NRBP1: variants seen among roughly 807,000 people sequenced by gnomAD.
The protein encoded by NRBP1 is nuclear receptor binding protein 1, also known as nuclear receptor-binding protein.
A neutral mutation model predicts 76.0 loss-of-function variants in NRBP1; 10 were observed. The observed-to-expected ratio is 0.13, with a 90% CI of 0.08 to 0.22. The LOEUF is 0.22. Ranked by LOEUF, NRBP1 falls within the 10% of genes least tolerant of loss-of-function variation. The pLI is 1.00. For missense variants in NRBP1, 344 were observed against 646.0 expected (o/e 0.53, Z 5.07); for synonymous variants, 235 against 240.2 (o/e 0.98, Z 0.20).
At chr2:27,437,130 G>A (rs982612039) in intron 9 of NRBP1, 25 bp downstream of exon 9, 3 of 1,606,132 alleles carry the variant, frequency 1.9e-6, no homozygotes, top group African/African-American at 1.3e-5. Context: ...GGGGAGGGGG[G>A]AAAGGGGTCA....
At position 27,435,202 on chromosome 2, in the gene NRBP1, C is replaced by T; in HGVS notation, c.636C>T (p.His212=). 1 of 1,614,052 alleles carries T rather than the reference C, an allele frequency of 6.2e-7. No individual in the cohort carries two copies. Among genetic ancestry groups the T allele is most frequent in the South Asian group, 1.1e-5 (1 of 91,074 alleles). Reference sequence around the variant, plus strand: ...CCTGTGACACCATCTTCATCCAGCACAACGGACTCATCAAGATTGGCTCTG... The same window carrying T: ...CCTGTGACACCATCTTCATCCAGCATAACGGACTCATCAAGATTGGCTCTG... ...NLTCDTIFIQ[H]NGLIKIGSVA... The change falls in exon 7 of 18, where the codon CAC becomes CAT. Residue 212 remains histidine, a synonymous_variant. Transcript: ENST00000379852.
intron 1 of NRBP1, among the ~76,000 whole-genome samples, chr2:27,432,700 C>A (rs1464827071): frequency 6.6e-6 from 1 of 151,924 alleles, no homozygotes; most frequent in Non-Finnish European, 1.5e-5. Flanking sequence ...ATCAGCCTCT[C>A]GGGTAGCTGG....
chr2:27,429,529 C>CCAG (rs1664020131), intron 1 of NRBP1, among the ~76,000 whole-genome samples: 1 of 151,810 alleles, frequency 6.6e-6, no homozygotes, highest in African/African-American at 2.4e-5. Context: ...CTGGAGGCGG[C>CCAG]GAGAATCCCC....
intron 1 of NRBP1, among the ~76,000 whole-genome samples, chr2:27,430,469 C>CTTTTTTTTTTTTTTTTTTTTTTT (rs977927783): frequency 7.2e-6 from 1 of 138,688 alleles, no homozygotes; most frequent in Non-Finnish European, 1.6e-5. Flanking sequence ...TTCTTTTTTT[C>CTTTTTTTTTTTTTTTTTTTTTTT]TTTTTTTTTT....
At chr2:27,437,844 G>C (rs549056213) in intron 10 of NRBP1, among the ~76,000 whole-genome samples, 16 of 151,050 alleles carry the variant, frequency 1.1e-4, no homozygotes, top group Admixed American at 5.3e-4. Flanking sequence ...CTGCACTCCA[G>C]CCTGGGCGAC....
In NRBP1 at chr2:27,433,492, A is replaced by G. The variant is rs771093806; in HGVS notation, c.210+9A>G. The stretch of plus-strand genomic sequence containing the variant: ...AGAAGAGGCGAGAAGAGGTAAGGTT[A>G]TGGTACAGTTACTCTTGGGTGAGTG... On this transcript the variant is annotated intron_variant, in intron 2 of 17. Coordinates refer to ENST00000379852, the MANE Select transcript of NRBP1 (RefSeq NM_013392.4). The G allele has an allele frequency of 1.5e-5, 25 of 1,613,482 alleles. No individual in the cohort carries two copies. In the South Asian group the frequency reaches 2.3e-4, roughly 15 times the overall value.
chr2:27,435,942 G>A (rs1664290406), intron 7 of NRBP1: 1 of 613,990 alleles, frequency 1.6e-6, no homozygotes, highest in South Asian at 1.9e-5. Flanking sequence ...TGTGGATTCT[G>A]CCTGGCTGGC....
chr2:27,440,603 TA>T, intron 12 of NRBP1, 48 bp from the exon 13 acceptor site: 1 of 1,611,744 alleles, frequency 6.2e-7, no homozygotes, highest in Non-Finnish European at 8.5e-7. Context: ...TTGAATTTGC[TA>T]TTTTGCTTGT....
chr2:27,439,047 G>T (rs1328237979), intron 10 of NRBP1, among the ~76,000 whole-genome samples: 1 of 152,148 alleles, frequency 6.6e-6, no homozygotes, highest in Non-Finnish European at 1.5e-5. Flanking sequence ...AAAGGAAATT[G>T]TGATACTAGG....
upstream of NRBP1, chr2:27,428,613 G>A (rs987159423): frequency 2.5e-5 from 10 of 397,772 alleles, no homozygotes; most frequent in South Asian, 1.3e-4. Context: ...GGCGCCGCGA[G>A]GGCGGGGCCC....
rs1181861483 is a variant in NRBP1, at chr2:27,434,219, C to T, written c.435+129C>T. 9 of 809,322 alleles carry T rather than the reference C, an allele frequency of 1.1e-5. No homozygotes were observed. In the Admixed American group the frequency reaches 1.9e-4, roughly 17 times the overall value. The allele number at this position is 809,322 out of a possible 1,614,324, so 50.1% of individuals were successfully genotyped here. Reference sequence around the variant, plus strand: ...ACAGAACTGGAATCAGCTGCAATGGCGATAAGAGTAGGGCTTCAGTTGTCA... The same window carrying T: ...ACAGAACTGGAATCAGCTGCAATGGTGATAAGAGTAGGGCTTCAGTTGTCA... On this transcript the variant is annotated intron_variant, in intron 4 of 17. Transcript: ENST00000379852.
chr2:27,436,699 G>T (rs761621033), intron 7 of NRBP1, 54 bp from the exon 8 acceptor site: 5 of 1,512,580 alleles, frequency 3.3e-6, no homozygotes, highest in South Asian at 1.1e-5. Flanking sequence ...TCTCTGGAGT[G>T]AGACTATTCT....
intron 7 of NRBP1, chr2:27,435,794 G>C (rs1477412603): frequency 1.4e-6 from 1 of 717,412 alleles, no homozygotes; most frequent in African/African-American, 1.7e-5. Context: ...TGCTCCCTCT[G>C]CTCCCTTGGC....
In NRBP1 at chr2:27,435,151, C is replaced by T. The variant is rs1288008271; in HGVS notation, c.585C>T (p.Asp195=). 4.3e-6 allele frequency: 7 copies of T among 1,612,518 alleles called. No individual in the cohort carries two copies. The highest frequency in any genetic ancestry group is 5.1e-6 in the Non-Finnish European group (6 of 1,178,828). The part of the protein sequence containing the change: ...LSALSYLHSC[D]PPIIHGNLTC... ...CCCACAGCTACCTGCACTCCTGTGACCCCCCCATCATCCATGGGAACCTGA... is the reference window on the plus strand; with the variant it reads ...CCCACAGCTACCTGCACTCCTGTGATCCCCCCATCATCCATGGGAACCTGA... The change falls in exon 7 of 18, where the codon GAC becomes GAT. Residue 195 remains aspartate (D), a synonymous_variant. Coordinates refer to ENST00000379852, the MANE Select transcript of NRBP1 (RefSeq NM_013392.4).
rs1327275830 is a variant in NRBP1, at chr2:27,441,341, C to G, written c.1447+11C>G. 6.2e-7 allele frequency: 1 copy of G among 1,613,280 alleles called. No individual in the cohort carries two copies. Among genetic ancestry groups the G allele is most frequent in the African/African-American group, 1.3e-5 (1 of 74,894 alleles). On this transcript the variant is annotated intron_variant, in intron 16 of 17. Coordinates refer to ENST00000379852, the MANE Select transcript of NRBP1 (RefSeq NM_013392.4). Reference sequence around the variant, plus strand: ...GTGACCTGATGCCAAGTGAGTCTCTCCTTTCCCTCAGAGGATGGAGAGTCT... The same window carrying G: ...GTGACCTGATGCCAAGTGAGTCTCTGCTTTCCCTCAGAGGATGGAGAGTCT...
intron 10 of NRBP1, among the ~76,000 whole-genome samples, chr2:27,437,613 T>A (rs2148451013): frequency 6.6e-6 from 1 of 152,326 alleles, no homozygotes; most frequent in East Asian, 1.9e-4. Flanking sequence ...GGCTCACGCC[T>A]GTAATCCCAG....
At chr2:27,441,203 C>T (rs772775422) in intron 15 of NRBP1, 23 bp downstream of exon 15, 25 of 1,613,834 alleles carry the variant, frequency 1.5e-5, no homozygotes, top group Non-Finnish European at 1.9e-5. Context: ...GCTAGGGTTG[C>T]GCAGGGCTAG....
chr2:27,434,703 G>T lies in NRBP1; in HGVS notation c.526-19G>T. ...AGAGAGGGAATTACTGCTGACCCTT[G>T]GATCCAACTTTGTTCCAGGCATGGA... On this transcript the variant is annotated intron_variant, in intron 5 of 17. Transcript: ENST00000379852. The T allele has an allele frequency of 6.2e-7, 1 of 1,614,080 alleles. No homozygotes were observed. Among genetic ancestry groups the T allele is most frequent in the Non-Finnish European group, 8.5e-7 (1 of 1,179,970 alleles).
At chr2:27,437,420 T>G in intron 10 of NRBP1, 60 bp downstream of exon 10, 1 of 1,297,996 alleles carries the variant, frequency 7.7e-7, no homozygotes. Flanking sequence ...CTGGTTTTTC[T>G]TCCTTTGTAC....
Sources: gnomAD v4.1 joint callset for allele counts (sites outside exome capture counted in the v4.1 genomes callset) on GRCh38, gnomAD v4.1.1 for gene constraint, MANE v1.5 for transcripts, NCBI Gene and HGNC (gene_info 2026-07-23, HGNC 2026-07-21) for gene names.